The following ADGRL2 variants were observed in gnomAD, a reference collection of about 807,000 sequenced individuals.
The protein encoded by ADGRL2 is calcium-independent alpha-latrotoxin receptor 2.
A neutral mutation model predicts 157.4 loss-of-function variants in ADGRL2; 44 were observed. The observed-to-expected ratio is 0.28, with a 90% CI of 0.22 to 0.36. The LOEUF (loss-of-function observed/expected upper bound fraction) is 0.36, where lower values mean the gene tolerates loss of function less well. Ranked by LOEUF, ADGRL2 falls within the 10% of genes least tolerant of loss-of-function variation. The pLI is 1.00. For missense variants in ADGRL2, 1,510 were observed against 1,768.9 expected (o/e 0.85, Z 2.63); for synonymous variants, 585 against 624.7 (o/e 0.94, Z 0.95).
intron 1 of ADGRL2, among the ~76,000 whole-genome samples, chr1:81,700,365 G>C (rs1449044633): frequency 1.3e-5 from 2 of 152,136 alleles, no homozygotes; most frequent in African/African-American, 4.8e-5. Flanking sequence ...AGTCCATTAT[G>C]TTTGATAAGG....
At chr1:81,916,982 A>AAT (rs1553189528) in intron 3 of ADGRL2, among the ~76,000 whole-genome samples, 2 of 150,830 alleles carry the variant, frequency 1.3e-5, no homozygotes, top group African/African-American at 2.4e-5. Context: ...AGAAAAAAAA[A>AAT]ATACATATAT....
intron 1 of ADGRL2, among the ~76,000 whole-genome samples, chr1:81,704,227 T>C (rs1300694138): frequency 6.6e-6 from 1 of 152,210 alleles, no homozygotes; most frequent in Non-Finnish European, 1.5e-5. Context: ...GTGCATTACT[T>C]GGCAAAAAGA....
chr1:81,758,467 C>A (rs1182026943), intron 1 of ADGRL2, among the ~76,000 whole-genome samples: 1 of 152,128 alleles, frequency 6.6e-6, no homozygotes, highest in African/African-American at 2.4e-5. Flanking sequence ...TTCACTAAGA[C>A]CTGTTTGTTT....
intron 2 of ADGRL2, among the ~76,000 whole-genome samples, chr1:81,875,747 A>T (rs2093822920): frequency 6.6e-6 from 1 of 152,090 alleles, no homozygotes; most frequent in Non-Finnish European, 1.5e-5. Context: ...CTTAGGGTTT[A>T]TGTGTGACTT....
chr1:81,344,218 C>T (rs766642188), intron 1 of ADGRL2, among the ~76,000 whole-genome samples: 10 of 152,108 alleles, frequency 6.6e-5, no homozygotes, highest in African/African-American at 9.7e-5. Context: ...ACAGGCGCAA[C>T]GTCACCACGC....
upstream of ADGRL2, among the ~76,000 whole-genome samples, chr1:81,795,879 C>A (rs1393851637): frequency 6.6e-6 from 1 of 152,188 alleles, no homozygotes; most frequent in Non-Finnish European, 1.5e-5. Context: ...TCTTAGTTTA[C>A]CTTCAACAAT....
intron 3 of ADGRL2, among the ~76,000 whole-genome samples, chr1:81,643,957 G>T (rs1479932145): frequency 6.6e-6 from 1 of 152,180 alleles, no homozygotes; most frequent in Non-Finnish European, 1.5e-5. Flanking sequence ...TTGAAGGACT[G>T]ATTCTACCCA....
intron 2 of ADGRL2, chr1:81,503,166 G>A: frequency 1.2e-6 from 2 of 1,614,190 alleles, no homozygotes; most frequent in East Asian, 2.2e-5. Context: ...TTTTCAGCAT[G>A]GCACGGCAGC....
intron 1 of ADGRL2, among the ~76,000 whole-genome samples, chr1:81,702,743 TG>T (rs2083613760): frequency 6.6e-6 from 1 of 152,254 alleles, no homozygotes; most frequent in Non-Finnish European, 1.5e-5. Context: ...TATGGATTAC[TG>T]GTATCTTTAC....
intron 2 of ADGRL2, among the ~76,000 whole-genome samples, chr1:81,543,747 T>C (rs1229058689): frequency 6.6e-6 from 1 of 152,104 alleles, no homozygotes; most frequent in African/African-American, 2.4e-5. Flanking sequence ...TACGATAGTT[T>C]CCCATTTCTT....
At chr1:81,385,674 T>A (rs1030539069) in intron 1 of ADGRL2, among the ~76,000 whole-genome samples, 2 of 151,862 alleles carry the variant, frequency 1.3e-5, no homozygotes, top group African/African-American at 4.8e-5. Context: ...ATAGTGATCA[T>A]TTAGGAGAAA....
At chr1:81,516,815 A>G (rs945429328) in intron 2 of ADGRL2, among the ~76,000 whole-genome samples, 4 of 152,106 alleles carry the variant, frequency 2.6e-5, no homozygotes, top group Non-Finnish European at 5.9e-5. Flanking sequence ...CAACCCCTCC[A>G]TTCACTAACT....
At chr1:81,658,966 G>A (rs1469688013) in intron 3 of ADGRL2, among the ~76,000 whole-genome samples, 1 of 151,326 alleles carries the variant, frequency 6.6e-6, no homozygotes, top group Non-Finnish European at 1.5e-5. Context: ...TGACAAAGCT[G>A]GTCTCGAATT....
chr1:81,973,253 C>A (rs556608538), intron 17 of ADGRL2, among the ~76,000 whole-genome samples: 1 of 151,986 alleles, frequency 6.6e-6, no homozygotes, highest in African/African-American at 2.4e-5. Flanking sequence ...TCAAGTATTC[C>A]TGGGAAAACT....
chr1:81,377,249 T>A (rs558167437), intron 1 of ADGRL2, among the ~76,000 whole-genome samples: 2 of 152,090 alleles, frequency 1.3e-5, no homozygotes, highest in African/African-American at 4.8e-5. Context: ...ACATCAATCA[T>A]CAGCAAGTAT....
intron 2 of ADGRL2, among the ~76,000 whole-genome samples, chr1:81,781,983 G>A (rs2086832647): frequency 6.6e-6 from 1 of 152,184 alleles, no homozygotes; most frequent in African/African-American, 2.4e-5. Context: ...CAAAGTCAGA[G>A]CCATGGGTCC....
intron 1 of ADGRL2, among the ~76,000 whole-genome samples, chr1:81,404,444 G>A (rs1052204596): frequency 2.0e-5 from 3 of 152,114 alleles, no homozygotes; most frequent in African/African-American, 4.8e-5. Flanking sequence ...ATCTATGAAG[G>A]TTTTTTAATG....
intron 1 of ADGRL2, among the ~76,000 whole-genome samples, chr1:81,317,954 G>C (rs548742951): frequency 6.6e-6 from 1 of 152,020 alleles, no homozygotes; most frequent in Non-Finnish European, 1.5e-5. Context: ...ATGACATTCC[G>C]TGATTGTATC....
intron 5 of ADGRL2, among the ~76,000 whole-genome samples, chr1:81,942,625 G>T (rs1412873308): frequency 1.3e-5 from 2 of 151,842 alleles, no homozygotes; most frequent in East Asian, 3.9e-4. Flanking sequence ...GTAATAAAAT[G>T]AAATATATAC....
Sources: allele counts gnomAD v4.1 joint callset (sites outside exome capture counted in the v4.1 genomes callset), GRCh38; gene constraint gnomAD v4.1.1; transcripts MANE v1.5; gene names NCBI Gene and HGNC (gene_info 2026-07-23, HGNC 2026-07-21).